GP6: variants seen among roughly 807,000 people sequenced by gnomAD.
GP6 encodes the protein glycoprotein VI platelet.
A neutral mutation model predicts 37.3 loss-of-function variants in GP6; 45 were observed. The observed-to-expected ratio is 1.21, with a 90% confidence interval of 0.95 to 1.55. The LOEUF (loss-of-function observed/expected upper bound fraction) is 1.55. GP6 is among the 40% of genes most tolerant of loss of function. GP6 has a pLI of 0.00. For missense variants in GP6, 813 were observed against 760.2 expected, an observed-to-expected ratio of 1.07 and a Z score of -0.82; for synonymous variants, 340 against 316.4, an observed-to-expected ratio of 1.07 and a Z score of -0.79.
intron 5 of GP6, among the ~76,000 whole-genome samples, chr19:55,019,114 T>C (rs1347324279): frequency 2.0e-5 from 3 of 149,350 alleles, no homozygotes; most frequent in African/African-American, 7.3e-5. Context: ...TTTCTTTTTT[T>C]TTTTTTTTTG....
intron 1 of GP6, among the ~76,000 whole-genome samples, chr19:55,033,520 C>T (rs915157127): frequency 5.7e-5 from 8 of 139,306 alleles, no homozygotes; most frequent in African/African-American, 2.1e-4. Flanking sequence ...ACGGTGGGCT[C>T]GTTTGTGTTG....
Position 55,032,183 on chromosome 19 carries a change from CT to C in GP6, c.280del (p.Ser94AlafsTer37). ...CTGGTCGCTGGGCAGGGACCAGAGG[CT>C]TCCGTTCTGGTAGGAGCAGCGGTAG... On this transcript the variant is annotated frameshift_variant, in exon 3 of 8. Transcript: ENST00000310373. LOFTEE classifies it high-confidence loss of function. 1.2e-6 allele frequency: 2 copies of C among 1,613,916 alleles called. No individual in the cohort carries two copies. The highest frequency in any genetic ancestry group is 2.2e-5 in the South Asian group (2 of 91,082).
chr19:55,024,292 G>GCACGCACACACA (rs1568612610), intron 5 of GP6, among the ~76,000 whole-genome samples: 1,906 of 83,050 alleles, frequency 0.023, 70 homozygotes, highest in African/African-American at 0.07. Flanking sequence ...ACACACATAT[G>GCACGCACACACA]CACGCATGCA....
In GP6 at chr19:55,015,011, C is replaced by T. The variant is rs762347897; in HGVS notation, c.934G>A (p.Ala312Thr). 18 of 1,612,028 alleles carry T rather than the reference C, an allele frequency of 1.1e-5. No individual in the cohort carries two copies. The highest frequency in any genetic ancestry group is 4.0e-5 in the African/African-American group (3 of 74,874). ...GGGTCAGCGGGAGGGGCGGGAGGGG[C>T]GGAAGCGGCCTCTGCACAGCCCTGC... is the stretch of plus-strand genomic sequence containing the variant. Residue 312 changes from alanine to threonine, a missense_variant, in exon 8 of 8, where the codon GCC (alanine) becomes ACC (threonine). Ala to Thr is a moderately conservative substitution (Grantham distance 58). Coordinates refer to ENST00000310373, the MANE Select transcript of GP6 (RefSeq NM_001083899.2).
rs200428516 is a variant in GP6 at position 55,032,106 on chromosome 19, C to A, written c.325+33G>T. 43 of 1,609,022 alleles carry A rather than the reference C, an allele frequency of 2.7e-5. No homozygotes were observed. In the South Asian group the frequency reaches 4.4e-4, roughly 16 times the overall value. ...TATTTGTGTCCTGAACGGAGGACCACGCAGTCCCAGGCTCCGATCCCCCTT... is the reference window on the plus strand; with the variant it reads ...TATTTGTGTCCTGAACGGAGGACCAAGCAGTCCCAGGCTCCGATCCCCCTT... On this transcript the variant is annotated intron_variant, in intron 3 of 7. Coordinates refer to ENST00000310373, the MANE Select transcript of GP6 (RefSeq NM_001083899.2).
chr19:55,029,109 A>G (rs540001825), intron 3 of GP6, among the ~76,000 whole-genome samples: 18 of 143,834 alleles, frequency 1.3e-4, no homozygotes, highest in Admixed American at 4.8e-4. Flanking sequence ...AGAGGAAGGA[A>G]GGGAGGGAGG....
chr19:55,029,799 A>G (rs2074493905), intron 3 of GP6, among the ~76,000 whole-genome samples: 1 of 151,464 alleles, frequency 6.6e-6, no homozygotes. Flanking sequence ...ACTTAGCGAG[A>G]AGAGAGTATT....
intron 5 of GP6, among the ~76,000 whole-genome samples, chr19:55,024,641 A>G (rs777202734): frequency 6.6e-6 from 1 of 152,228 alleles, no homozygotes; most frequent in Non-Finnish European, 1.5e-5. Context: ...GCCTCACACA[A>G]AACTTACCGC....
At chr19:55,017,836 C>T (rs1211448751) in intron 6 of GP6, among the ~76,000 whole-genome samples, 10 of 151,940 alleles carry the variant, frequency 6.6e-5, no homozygotes, top group African/African-American at 1.5e-4. Flanking sequence ...TTTGGGAGGC[C>T]GAGACAGGTG....
rs200399196 is a variant in GP6 at position 55,014,414 on chromosome 19, G to C, written c.1531C>G (p.Leu511Val). The change falls in exon 8 of 8, where the codon CTT becomes GTT. Residue 511 changes from leucine (L) to valine (V), a missense_variant. By Grantham distance (32) the Leu-to-Val change is conservative (BLOSUM62 1). Transcript: ENST00000310373. ...AATGACATACCCAAACTGCCTGCAA[G>C]ACCCGTTCTGAGAGACGAAAGGAGA... 6.2e-7 allele frequency: 1 copy of C among 1,613,464 alleles called. No individual in the cohort carries two copies. Among genetic ancestry groups the C allele is most frequent in the African/African-American group, 1.3e-5 (1 of 75,036 alleles).
At chr19:55,024,801 TATGCTC>T (rs2074241232) in intron 5 of GP6, among the ~76,000 whole-genome samples, 1 of 152,136 alleles carries the variant, frequency 6.6e-6, no homozygotes, top group Non-Finnish European at 1.5e-5. Flanking sequence ...AGGTGATTCT[TATGCTC>T]ATGGAAGTTT....
chr19:55,023,454 T>C (rs2074154100), intron 5 of GP6, among the ~76,000 whole-genome samples: 1 of 152,184 alleles, frequency 6.6e-6, no homozygotes, highest in Non-Finnish European at 1.5e-5. Context: ...GTGCTTTCCT[T>C]GCAATAGTAA....
In GP6 at chr19:55,038,201, A is replaced by G. The variant is rs1414564959; in HGVS notation, c.34+2T>C. 10 of 1,590,936 alleles carry G rather than the reference A, an allele frequency of 6.3e-6. No individual in the cohort carries two copies. Among genetic ancestry groups the G allele is most frequent in the Non-Finnish European group, 7.7e-6 (9 of 1,167,108 alleles). On this transcript the variant is annotated splice_donor_variant, in intron 1 of 7. Transcript: ENST00000310373. LOFTEE classifies it high-confidence loss of function. ...TTCCCAGATCTGACCCTCAGGACTC[A>G]CCAAGACAGAAGAGGGCGGTCGGGG...
chr19:55,023,074 G>T (rs2074140326), intron 5 of GP6, among the ~76,000 whole-genome samples: 1 of 152,058 alleles, frequency 6.6e-6, no homozygotes, highest in South Asian at 2.1e-4. Flanking sequence ...AAAGAACAAA[G>T]CTGGAGGCCT....
At chr19:55,029,625 G>C (rs928484363) in intron 3 of GP6, among the ~76,000 whole-genome samples, 1 of 151,018 alleles carries the variant, frequency 6.6e-6, no homozygotes, top group African/African-American at 2.4e-5. Context: ...CCTGACCTCA[G>C]GTGATCCGTC....
rs779540658 is a variant in GP6 at position 55,014,794 on chromosome 19, G to C, written c.1151C>G (p.Ala384Gly). The C allele has an allele frequency of 1.2e-6, 2 of 1,613,682 alleles. No homozygotes were observed. Among genetic ancestry groups the C allele is most frequent in the East Asian group, 2.2e-5 (1 of 44,888 alleles). The change falls in exon 8 of 8, where the codon GCT (alanine) becomes GGT (glycine). Residue 384 changes from alanine (A) to glycine (G), a missense_variant. By Grantham distance (60) the Ala-to-Gly change is moderately conservative (BLOSUM62 0). Transcript: ENST00000310373. Reference sequence around the variant, plus strand: ...CCTGATGGAACACCAGGAGGAGGCAGCATGGCCTCGTTTCCACAGCTGTAG... The same window carrying C: ...CCTGATGGAACACCAGGAGGAGGCACCATGGCCTCGTTTCCACAGCTGTAG...
intron 5 of GP6, among the ~76,000 whole-genome samples, chr19:55,018,988 G>C (rs887893077): frequency 6.6e-6 from 1 of 152,086 alleles, no homozygotes; most frequent in Non-Finnish European, 1.5e-5. Context: ...ACAGGTTTTT[G>C]TGTGAACATA....
chr19:55,030,306 A>T (rs1299170771), intron 3 of GP6, among the ~76,000 whole-genome samples: 1 of 152,036 alleles, frequency 6.6e-6, no homozygotes, highest in East Asian at 1.9e-4. Flanking sequence ...CTGTGAATAC[A>T]GCGAGTGTAC....
intron 5 of GP6, among the ~76,000 whole-genome samples, chr19:55,024,327 T>TGC (rs1568613211): frequency 9.9e-5 from 3 of 30,218 alleles, no homozygotes; most frequent in Non-Finnish European, 3.0e-4. Context: ...CACACACACA[T>TGC]ATGCACGCAC....
Sources: allele counts gnomAD v4.1 joint callset (sites outside exome capture counted in the v4.1 genomes callset), GRCh38; gene constraint gnomAD v4.1.1; transcripts MANE v1.5; gene names NCBI Gene and HGNC (gene_info 2026-07-23, HGNC 2026-07-21).